SLC26A5: variants seen among roughly 807,000 people sequenced by gnomAD.
SLC26A5 encodes the protein prestin.
Under a neutral mutation model 81.0 loss-of-function variants are expected in SLC26A5, and 51 were observed. That is an observed-to-expected ratio of 0.63 (90% CI 0.50 to 0.80). The LOEUF is 0.80. SLC26A5 is among the 30% of genes least tolerant of loss of function. The pLI is 0.00. For missense variants in SLC26A5, 771 were observed against 905.8 expected (o/e 0.85, Z 1.91); for synonymous variants, 325 against 332.8 (o/e 0.98, Z 0.25).
chr7:103,411,724 C>A, intron 5 of SLC26A5, 138 bp from the exon 6 acceptor site: 1 of 959,598 alleles, frequency 1.0e-6, no homozygotes. Flanking sequence ...TAGTGTCCTG[C>A]CCCTGGTGTA....
At chr7:103,430,983 C>G (rs1037532664) in intron 2 of SLC26A5, among the ~76,000 whole-genome samples, 2 of 152,194 alleles carry the variant, frequency 1.3e-5, no homozygotes, top group Non-Finnish European at 2.9e-5. Flanking sequence ...TGCTGTGACT[C>G]CCTAAATTAA....
rs1821507432 is a variant in SLC26A5 at position 103,378,323 on chromosome 7, G to A, written c.1785+123C>T. The A allele has an allele frequency of 4.5e-6, 4 of 891,894 alleles. No homozygotes were observed. The East Asian group carries it at 9.9e-5, about 22-fold the overall frequency. 55.2% of individuals were successfully genotyped at this position (891,894 alleles called of 1,614,324 possible). On this transcript the variant is annotated intron_variant, in intron 17 of 19. Coordinates refer to ENST00000306312, the MANE Select transcript of SLC26A5 (RefSeq NM_198999.3). Reference sequence around the variant, plus strand: ...GCTTGTAAAATATAGAGGATACTAAGGTGGTTTCTAAACTTTCCTCTTTTA... The same window carrying A: ...GCTTGTAAAATATAGAGGATACTAAAGTGGTTTCTAAACTTTCCTCTTTTA...
At chr7:103,413,558 G>A (rs1824674608) in intron 4 of SLC26A5, among the ~76,000 whole-genome samples, 1 of 151,936 alleles carries the variant, frequency 6.6e-6, no homozygotes, top group Non-Finnish European at 1.5e-5. Context: ...TCCCTCCTCC[G>A]ACTCTTATCA....
chr7:103,445,655 C>G (rs1827247892), intron 1 of SLC26A5: 1 of 152,336 alleles, frequency 6.6e-6, no homozygotes, highest in Non-Finnish European at 1.5e-5. Flanking sequence ...CAAGCCCAGC[C>G]CGGCACAGGA....
At chr7:103,376,741 C>T in intron 19 of SLC26A5, 67 bp downstream of exon 19, 1 of 1,056,332 alleles carries the variant, frequency 9.5e-7, no homozygotes, top group South Asian at 1.4e-5. Flanking sequence ...TTTCCAAGTG[C>T]AATTATTTAA....
intron 7 of SLC26A5, 55 bp from the exon 8 acceptor site, chr7:103,408,058 CAG>C: frequency 1.2e-6 from 2 of 1,607,972 alleles, no homozygotes; most frequent in Non-Finnish European, 1.7e-6. Flanking sequence ...CTGAGAGAGA[CAG>C]AGACACTCTA....
Position 103,420,719 on chromosome 7 carries a change from G to T in SLC26A5, c.292+19C>A, listed in dbSNP as rs751017760. ...TGTTTGAGGACAGCAAGGGGGGAAA[G>T]AAAGAAAGATCTACTGACCTTGAGG... is the stretch of plus-strand genomic sequence containing the variant. On this transcript the variant is annotated intron_variant, in intron 4 of 19. Transcript: ENST00000306312. 6.2e-7 allele frequency: 1 copy of T among 1,613,714 alleles called. No individual in the cohort carries two copies. The highest frequency in any genetic ancestry group is 8.5e-7 in the Non-Finnish European group (1 of 1,179,912).
At chr7:103,381,968 C>T (rs1563519065) in intron 14 of SLC26A5, among the ~76,000 whole-genome samples, 1 of 151,932 alleles carries the variant, frequency 6.6e-6, no homozygotes, top group South Asian at 2.1e-4. Flanking sequence ...ATACCTCACA[C>T]CACATTCACG....
intron 14 of SLC26A5, among the ~76,000 whole-genome samples, chr7:103,388,202 T>G (rs983735795): frequency 1.3e-5 from 2 of 148,720 alleles, no homozygotes; most frequent in Admixed American, 1.3e-4. Flanking sequence ...AGTTTTTTTT[T>G]TTTTTTTTTT....
chr7:103,396,704 G>C (rs1329909825), intron 9 of SLC26A5, among the ~76,000 whole-genome samples: 1 of 152,164 alleles, frequency 6.6e-6, no homozygotes, highest in Non-Finnish European at 1.5e-5. Context: ...CTTGCTTAAG[G>C]GGTGGAGAGT....
At chr7:103,439,434 G>T (rs1053984707) in intron 2 of SLC26A5, among the ~76,000 whole-genome samples, 1 of 152,176 alleles carries the variant, frequency 6.6e-6, no homozygotes, top group African/African-American at 2.4e-5. Context: ...TCAAACTCTT[G>T]TCCACTGCTC....
At chr7:103,416,844 T>C (rs1824949367) in intron 4 of SLC26A5, among the ~76,000 whole-genome samples, 1 of 152,160 alleles carries the variant, frequency 6.6e-6, no homozygotes, top group Non-Finnish European at 1.5e-5. Context: ...AGAGCATACT[T>C]TCACTCTGAC....
At chr7:103,400,286 C>T (rs1367777022) in intron 8 of SLC26A5, among the ~76,000 whole-genome samples, 2 of 152,148 alleles carry the variant, frequency 1.3e-5, no homozygotes, top group South Asian at 2.1e-4. Context: ...GATGGTATCC[C>T]GTTGTGGTTT....
chr7:103,391,601 A>C, intron 11 of SLC26A5, 21 bp downstream of exon 11: 1 of 1,574,846 alleles, frequency 6.3e-7, no homozygotes, highest in Non-Finnish European at 8.7e-7. Flanking sequence ...ATCAGGTCTT[A>C]GAGGCCTGTT....
intron 19 of SLC26A5, among the ~76,000 whole-genome samples, chr7:103,364,958 C>CATACATATATATATATATATATATATAT (rs374432802): frequency 9.6e-5 from 12 of 125,484 alleles, no homozygotes; most frequent in African/African-American, 3.5e-4. Flanking sequence ...TGTAGACATA[C>CATACATATATATATATATATATATATAT]ATATATATAT....
chr7:103,413,571 A>T (rs1363997688), intron 4 of SLC26A5, among the ~76,000 whole-genome samples: 3 of 152,096 alleles, frequency 2.0e-5, no homozygotes, highest in African/African-American at 7.2e-5. Context: ...TCTTATCAGA[A>T]GGTACAGCCT....
At chr7:103,371,955 A>G (rs992480846), downstream of SLC26A5, among the ~76,000 whole-genome samples, 1 of 151,996 alleles carries the variant, frequency 6.6e-6, no homozygotes, top group Non-Finnish European at 1.5e-5. Flanking sequence ...TTGGCCTCCC[A>G]AAGTACTGGG....
At chr7:103,360,712 T>A (rs1470466251) in intron 19 of SLC26A5, among the ~76,000 whole-genome samples, 2 of 152,248 alleles carry the variant, frequency 1.3e-5, no homozygotes, top group Non-Finnish European at 2.9e-5. Context: ...AGTAGATAGA[T>A]ACTATAGAAG....
intron 19 of SLC26A5, among the ~76,000 whole-genome samples, chr7:103,376,076 TTC>T (rs941296668): frequency 6.7e-6 from 1 of 150,216 alleles, no homozygotes; most frequent in Non-Finnish European, 1.5e-5. Context: ...AAAAATCATT[TTC>T]TTTCTTTTTT....
Sources: allele counts gnomAD v4.1 joint callset (sites outside exome capture counted in the v4.1 genomes callset), GRCh38; gene constraint gnomAD v4.1.1; transcripts MANE v1.5; gene names NCBI Gene and HGNC (gene_info 2026-07-23, HGNC 2026-07-21).